Variants in PDE4D observed in about 807,000 individuals in gnomAD.
PDE4D encodes 3',5'-cyclic-AMP phosphodiesterase 4D.
Under a neutral mutation model 87.4 loss-of-function variants are expected in PDE4D, and 24 were observed. The observed-to-expected ratio is 0.27, with a 90% CI of 0.20 to 0.39. The LOEUF (loss-of-function observed/expected upper bound fraction) is 0.39. PDE4D is among the 10% of genes least tolerant of loss of function. PDE4D has a pLI of 1.00. For synonymous variants in PDE4D, 384 were observed against 383.2 expected (o/e 1.00, Z -0.02); for missense variants, 714 against 1,041.0 (o/e 0.69, Z 4.32).
chr5:59,850,183 C>T (rs1021149641), intron 1 of PDE4D, among the ~76,000 whole-genome samples: 1 of 151,972 alleles, frequency 6.6e-6, no homozygotes, highest in African/African-American at 2.4e-5. Flanking sequence ...TGCACACACA[C>T]ACATATTTAA....
intron 1 of PDE4D, among the ~76,000 whole-genome samples, chr5:60,403,624 C>A (rs1022853792): frequency 6.6e-6 from 1 of 152,176 alleles, no homozygotes; most frequent in African/African-American, 2.4e-5. Context: ...GGTATCATGT[C>A]CCCCATTTTA....
At chr5:59,806,565 A>T (rs1407214720) in intron 1 of PDE4D, among the ~76,000 whole-genome samples, 6 of 152,246 alleles carry the variant, frequency 3.9e-5, no homozygotes, top group Admixed American at 2.0e-4. Flanking sequence ...CAAGGTGTGA[A>T]ATTTTACAGA....
At chr5:60,419,630 CA>C (rs1347092495) in intron 1 of PDE4D, among the ~76,000 whole-genome samples, 1 of 151,814 alleles carries the variant, frequency 6.6e-6, no homozygotes, top group Non-Finnish European at 1.5e-5. Context: ...ATTAGAATTA[CA>C]AATTTTTTAA....
chr5:60,156,463 A>C (rs1781986924), intron 2 of PDE4D, among the ~76,000 whole-genome samples: 1 of 152,220 alleles, frequency 6.6e-6, no homozygotes, highest in African/African-American at 2.4e-5. Flanking sequence ...TAAATTCTTC[A>C]GTTACATGTA....
rs1762012864 is a variant in PDE4D at position 59,761,913 on chromosome 5, GGTTT to G, written c.455+131251_455+131254del. ...TGTTTATGGGACTGACAGCATGGTA[GGTTT>G]GTTTACACCAGCATGCCCACAAACA... On this transcript the variant is annotated intron_variant, in intron 1 of 14. Coordinates refer to ENST00000340635, the MANE Select transcript of PDE4D (RefSeq NM_001104631.2). Among the ~76,000 whole-genome samples, 3 of 152,134 alleles carry G rather than the reference GGTTT, an allele frequency of 2.0e-5. No homozygotes were observed. The South Asian group carries it at 6.2e-4, about 32-fold the overall frequency.
chr5:59,121,346 G>A (rs973160932), intron 5 of PDE4D, among the ~76,000 whole-genome samples: 3 of 151,924 alleles, frequency 2.0e-5, no homozygotes, highest in African/African-American at 4.8e-5. Flanking sequence ...GAACTCAAAC[G>A]TCTCAATAGT....
intron 3 of PDE4D, among the ~76,000 whole-genome samples, chr5:59,932,014 T>C (rs866055228): frequency 1.3e-5 from 2 of 152,202 alleles, no homozygotes; most frequent in African/African-American, 4.8e-5. Flanking sequence ...ATGGATTAAA[T>C]CTTAACATGA....
At chr5:60,189,415 G>A (rs1785033259) in intron 1 of PDE4D, among the ~76,000 whole-genome samples, 1 of 152,184 alleles carries the variant, frequency 6.6e-6, no homozygotes. Context: ...AAACTGTATG[G>A]TATTAGGAAA....
At chr5:59,883,926 T>C (rs1035731872) in intron 1 of PDE4D, among the ~76,000 whole-genome samples, 1 of 152,044 alleles carries the variant, frequency 6.6e-6, no homozygotes, top group East Asian at 1.9e-4. Context: ...AATCCTTTGC[T>C]TTTTTTGGGG....
intron 1 of PDE4D, among the ~76,000 whole-genome samples, chr5:60,232,110 A>G (rs1330456824): frequency 6.6e-6 from 1 of 151,908 alleles, no homozygotes; most frequent in East Asian, 1.9e-4. Context: ...CCACTATCAC[A>G]TGTTAGTGCT....
chr5:59,229,913 C>T (rs1754773434), intron 1 of PDE4D, among the ~76,000 whole-genome samples: 1 of 152,166 alleles, frequency 6.6e-6, no homozygotes, highest in South Asian at 2.1e-4. Flanking sequence ...ATTCTCCTGC[C>T]TCAGGCCCCC....
chr5:59,088,697 G>A (rs1768162936), intron 5 of PDE4D, among the ~76,000 whole-genome samples: 1 of 152,024 alleles, frequency 6.6e-6, no homozygotes, highest in South Asian at 2.1e-4. Flanking sequence ...AACTAACACA[G>A]GAACTGCATG....
intron 1 of PDE4D, among the ~76,000 whole-genome samples, chr5:59,480,481 C>A (rs927644198): frequency 3.3e-5 from 5 of 152,054 alleles, no homozygotes; most frequent in African/African-American, 1.2e-4. Context: ...CCACTACCAC[C>A]CAACACCCAG....
intron 1 of PDE4D, among the ~76,000 whole-genome samples, chr5:59,524,826 T>C (rs1280501646): frequency 6.6e-6 from 1 of 152,202 alleles, no homozygotes. Flanking sequence ...GCTCAGGCCA[T>C]TGCTTCAGAA....
chr5:60,160,679 G>A (rs542511737), intron 2 of PDE4D: 158 of 250,128 alleles, frequency 6.3e-4, no homozygotes, highest in South Asian at 2.4e-3. Flanking sequence ...CAAATCTGCT[G>A]TTTCCTCAGT....
intron 1 of PDE4D, among the ~76,000 whole-genome samples, chr5:59,481,053 C>T (rs780505105): frequency 1.3e-5 from 2 of 152,030 alleles, no homozygotes; most frequent in African/African-American, 4.8e-5. Context: ...CTAACAAGGC[C>T]AAGGACAAAA....
intron 1 of PDE4D, among the ~76,000 whole-genome samples, chr5:60,500,100 G>A (rs1434035099): frequency 1.3e-5 from 2 of 152,048 alleles, no homozygotes; most frequent in Non-Finnish European, 2.9e-5. Context: ...GAGCCCAGGA[G>A]TTTGAGATCA....
At chr5:59,178,556 G>T (rs1284197785) in intron 5 of PDE4D, among the ~76,000 whole-genome samples, 1 of 152,118 alleles carries the variant, frequency 6.6e-6, no homozygotes, top group African/African-American at 2.4e-5. Flanking sequence ...GATCAAGTGT[G>T]TGCCCTTTGA....
intron 1 of PDE4D, among the ~76,000 whole-genome samples, chr5:59,469,023 CAT>C (rs1197113415): frequency 6.6e-6 from 1 of 152,070 alleles, no homozygotes; most frequent in African/African-American, 2.4e-5. Context: ...GCGGTACTAA[CAT>C]AGATATAAAA....
Sources: gnomAD v4.1 joint callset for allele counts (sites outside exome capture counted in the v4.1 genomes callset) on GRCh38, gnomAD v4.1.1 for gene constraint, MANE v1.5 for transcripts, NCBI Gene and HGNC (gene_info 2026-07-23, HGNC 2026-07-21) for gene names.